Variants in KPNA7 observed in about 807,000 individuals in gnomAD.
KPNA7 encodes the protein importin subunit alpha-8.
In KPNA7, 54 loss-of-function variants were observed where a neutral mutation model predicts 53.7. The ratio of observed to expected loss-of-function variants is 1.01; its 90% CI spans 0.81 to 1.26. The LOEUF (loss-of-function observed/expected upper bound fraction) is 1.26, where lower values mean the gene tolerates loss of function less well. Among genes scored for constraint, KPNA7 ranks in the 50% most tolerant of loss-of-function variants. The pLI is 0.00. For synonymous variants in KPNA7, 276 were observed against 259.3 expected (o/e 1.06, Z -0.62); for missense variants, 640 against 644.5 (o/e 0.99, Z 0.07).
upstream of KPNA7, among the ~76,000 whole-genome samples, chr7:99,209,682 C>CAAAAAAAAAAAAAAAAAAAAA (rs60377276): frequency 4.1e-5 from 3 of 73,532 alleles, no homozygotes; most frequent in African/African-American, 1.6e-4. Context: ...GACTCCAACT[C>CAAAAAAAAAAAAAAAAAAAAA]AAAAAAAAAA....
chr7:99,160,804 T>A, the KPNA7 span, among the ~76,000 whole-genome samples: 1 of 152,018 alleles, frequency 6.6e-6, no homozygotes, highest in Non-Finnish European at 1.5e-5. Context: ...TGTCTTCTGG[T>A]CTTCACACCT....
upstream of KPNA7, among the ~76,000 whole-genome samples, chr7:99,211,977 C>T (rs1791083274): frequency 6.6e-6 from 1 of 152,138 alleles, no homozygotes; most frequent in Admixed American, 6.6e-5. Context: ...TGACCTCCTC[C>T]CCAACCAATG....
chr7:99,214,815 G>A (rs1392549809), intron 1 of KPNA7, among the ~76,000 whole-genome samples: 7 of 151,412 alleles, frequency 4.6e-5, no homozygotes, highest in African/African-American at 1.7e-4. Flanking sequence ...GGGGTGAGAT[G>A]TTAGAAAGGA....
At chr7:99,166,629 A>AT in the KPNA7 span, among the ~76,000 whole-genome samples, 931 of 142,438 alleles carry the variant, frequency 6.5e-3, 13 homozygotes, top group African/African-American at 0.023. Flanking sequence ...TATTTTATTT[A>AT]TTTTTTTTGA....
chr7:99,180,561 C>CTGTG (rs775697752), intron 9 of KPNA7, among the ~76,000 whole-genome samples: 1 of 150,082 alleles, frequency 6.7e-6, no homozygotes, highest in Non-Finnish European at 1.5e-5. Context: ...CTGTCTCTGT[C>CTGTG]TCTGTCCATC....
intron 9 of KPNA7, among the ~76,000 whole-genome samples, chr7:99,180,739 CCCCG>C (rs1799161477): frequency 2.3e-5 from 2 of 88,266 alleles, no homozygotes; most frequent in African/African-American, 8.4e-5. Flanking sequence ...CTCTCTCTCT[CCCCG>C]TGTCTCTCTC....
chr7:99,160,017 GT>G, the KPNA7 span, among the ~76,000 whole-genome samples: 69 of 67,642 alleles, frequency 1.0e-3, no homozygotes, highest in Admixed American at 2.2e-3. Context: ...TGTTGTTTTT[GT>G]TTTTTTTTTT....
At position 99,173,641 on chromosome 7, in the gene KPNA7, G is replaced by A. The variant is rs1770363596; in HGVS notation, c.*67C>T. 3.1e-6 allele frequency: 3 copies of A among 964,314 alleles called. No homozygotes were observed. The highest frequency in any genetic ancestry group is 3.3e-5 in the African/African-American group (2 of 61,228). The allele number at this position is 964,314 out of a possible 1,614,324, so 59.7% of individuals were successfully genotyped here. A position where few individuals can be genotyped will look rare whatever the true frequency, so the allele number is the denominator to read the frequency against. On this transcript the variant is annotated 3_prime_UTR_variant, in exon 11 of 11. Transcript: ENST00000327442. ...ACATTTGGGTTACACTAAGATAGAG[G>A]ACTGCTGCTTCTTAAAGAAGTTATC...
At chr7:99,202,283 G>C (rs1790576254) in intron 3 of KPNA7, among the ~76,000 whole-genome samples, 1 of 152,082 alleles carries the variant, frequency 6.6e-6, no homozygotes. Flanking sequence ...AGAATATAGA[G>C]ACACCATTAT....
the KPNA7 span, among the ~76,000 whole-genome samples, chr7:99,155,554 G>C: frequency 6.6e-6 from 1 of 151,842 alleles, no homozygotes; most frequent in African/African-American, 2.4e-5. Context: ...GGAAGAAACA[G>C]ATTTATGGGG....
At chr7:99,163,183 G>A in the KPNA7 span, among the ~76,000 whole-genome samples, 62 of 141,762 alleles carry the variant, frequency 4.4e-4, no homozygotes, top group African/African-American at 1.4e-3. Context: ...CTCTGCCTCA[G>A]AAAAAAAAAA....
intron 9 of KPNA7, among the ~76,000 whole-genome samples, chr7:99,178,356 G>C (rs1799000527): frequency 6.6e-6 from 1 of 152,050 alleles, no homozygotes; most frequent in Admixed American, 6.6e-5. Flanking sequence ...ATCACTTGAG[G>C]TCAGGAGTCT....
intron 1 of KPNA7, among the ~76,000 whole-genome samples, chr7:99,215,642 T>A (rs149672777): frequency 1.3e-5 from 2 of 152,186 alleles, no homozygotes; most frequent in Non-Finnish European, 2.9e-5. Flanking sequence ...TCCCTTCACA[T>A]GGCTGTTGGC....
At chr7:99,156,905 T>C in the KPNA7 span, among the ~76,000 whole-genome samples, 1 of 151,188 alleles carries the variant, frequency 6.6e-6, no homozygotes, top group African/African-American at 2.4e-5. Context: ...TTCTAGAACT[T>C]CAGTTACTCA....
downstream of KPNA7, among the ~76,000 whole-genome samples, chr7:99,170,359 G>A (rs889926550): frequency 6.6e-6 from 1 of 152,070 alleles, no homozygotes; most frequent in Admixed American, 6.6e-5. Context: ...TTAAGTGACT[G>A]CAGAAATGAA....
At chr7:99,171,686 G>A (rs749147744), downstream of KPNA7, among the ~76,000 whole-genome samples, 1 of 152,196 alleles carries the variant, frequency 6.6e-6, no homozygotes, top group East Asian at 1.9e-4. Context: ...GCTTTAGCAA[G>A]GCTGCCCTGA....
chr7:99,203,085 C>T (rs1242316523), intron 3 of KPNA7, 21 bp downstream of exon 3: 1 of 1,551,228 alleles, frequency 6.4e-7, no homozygotes, highest in South Asian at 1.2e-5. Context: ...CCCAAGACTA[C>T]TCTAAACACT....
the KPNA7 span, among the ~76,000 whole-genome samples, chr7:99,164,198 T>C: frequency 4.0e-5 from 6 of 151,396 alleles, no homozygotes; most frequent in Admixed American, 2.7e-4. Flanking sequence ...TGTATGTTTA[T>C]TGCGGCACTA....
chr7:99,178,398 G>T (rs190842158), intron 9 of KPNA7, among the ~76,000 whole-genome samples: 1 of 151,860 alleles, frequency 6.6e-6, no homozygotes, highest in East Asian at 1.9e-4. Context: ...GTGAAACCTC[G>T]TCTCTACTAA....
Sources: allele counts gnomAD v4.1 joint callset (sites outside exome capture counted in the v4.1 genomes callset), GRCh38; gene constraint gnomAD v4.1.1; transcripts MANE v1.5; gene names NCBI Gene and HGNC (gene_info 2026-07-23, HGNC 2026-07-21).